The following PSMD14 variants were observed in gnomAD, a reference collection of about 807,000 sequenced individuals.
PSMD14 encodes proteasome 26S subunit, non-ATPase 14.
Under a neutral mutation model 41.2 loss-of-function variants are expected in PSMD14, and 7 were observed. The ratio of observed to expected loss-of-function variants is 0.17; its 90% CI spans 0.10 to 0.32. The LOEUF (loss-of-function observed/expected upper bound fraction) is 0.32. Among genes scored for constraint, PSMD14 ranks in the 10% least tolerant of loss-of-function variants. The pLI, the probability that PSMD14 is intolerant of heterozygous loss-of-function variation, is 1.00. For missense variants in PSMD14, 139 were observed against 375.6 expected (o/e 0.37, Z 5.21); for synonymous variants, 114 against 122.3 (o/e 0.93, Z 0.45).
intron 3 of PSMD14, among the ~76,000 whole-genome samples, chr2:161,361,832 C>T (rs67041117): frequency 0.3 from 45,749 of 151,980 alleles, 7,928 homozygotes; most frequent in Admixed American, 0.4. Flanking sequence ...AATTGTTACT[C>T]GTAAGCAGCA....
intron 7 of PSMD14, 82 bp from the exon 8 acceptor site, chr2:161,385,382 G>A (rs1317240516): frequency 1.1e-5 from 7 of 636,852 alleles, no homozygotes; most frequent in South Asian, 7.4e-5. Flanking sequence ...ACAGATGCAC[G>A]TCGATCATGC....
intron 3 of PSMD14, chr2:161,341,235 G>T (rs1406813427): frequency 2.0e-6 from 2 of 984,232 alleles, no homozygotes; most frequent in Non-Finnish European, 2.4e-6. Flanking sequence ...GCTCGCGGCC[G>T]CCCCACGCCG....
chr2:161,389,889 G>GTTGTGTTTTTTTT, intron 8 of PSMD14, among the ~76,000 whole-genome samples: 2 of 20,042 alleles, frequency 1.0e-4, no homozygotes, highest in Non-Finnish European at 2.0e-4. Flanking sequence ...CTTTTTTGTT[G>GTTGTGTTTTTTTT]TTTTTTTTTT....
At chr2:161,312,087 C>T (rs1689094406) in intron 1 of PSMD14, among the ~76,000 whole-genome samples, 1 of 151,102 alleles carries the variant, frequency 6.6e-6, no homozygotes, top group Non-Finnish European at 1.5e-5. Context: ...ATTAGAAATA[C>T]AGTAAGATAA....
chr2:161,358,530 A>C (rs1683238201), intron 3 of PSMD14, among the ~76,000 whole-genome samples: 1 of 152,162 alleles, frequency 6.6e-6, no homozygotes, highest in Non-Finnish European at 1.5e-5. Context: ...CCCAATCCTG[A>C]AACTTTGTGT....
At chr2:161,377,006 G>A (rs992712772) in intron 7 of PSMD14, among the ~76,000 whole-genome samples, 8 of 150,722 alleles carry the variant, frequency 5.3e-5, no homozygotes, top group Non-Finnish European at 1.0e-4. Flanking sequence ...TGACTGGAAC[G>A]TGTGATTGAC....
intron 3 of PSMD14, among the ~76,000 whole-genome samples, chr2:161,364,835 C>G (rs562521709): frequency 6.6e-6 from 1 of 152,046 alleles, no homozygotes; most frequent in Non-Finnish European, 1.5e-5. Flanking sequence ...TGGGTGCAGT[C>G]GCTCACGCCT....
chr2:161,310,148 C>T (rs1239151887), intron 1 of PSMD14, among the ~76,000 whole-genome samples: 1 of 151,814 alleles, frequency 6.6e-6, no homozygotes, highest in Non-Finnish European at 1.5e-5. Flanking sequence ...GAGACTTTGT[C>T]TCAAAAAAAA....
In PSMD14 at chr2:161,337,430, A is replaced by G. The variant is rs149625677; in HGVS notation, c.48+18557A>G. Among the ~76,000 whole-genome samples, 325 of 152,336 alleles carry G rather than the reference A, an allele frequency of 2.1e-3. 5 individuals carry two copies. Among genetic ancestry groups the G allele is most frequent in the African/African-American group, 7.4e-3 (306 of 41,584 alleles). On this transcript the variant is annotated intron_variant, in intron 3 of 11. Coordinates refer to ENST00000409682, the MANE Select transcript of PSMD14 (RefSeq NM_005805.6). ...ATCTCATTTAATCTTTACATTAACC[A>G]GTACCACGTGGTATGATTAGCACCA...
intron 9 of PSMD14, among the ~76,000 whole-genome samples, 194 bp from the exon 10 acceptor site, chr2:161,394,878 TGCAAAG>T (rs1683769888): frequency 6.6e-6 from 1 of 152,102 alleles, no homozygotes; most frequent in South Asian, 2.1e-4. Flanking sequence ...GGACAGCAAA[TGCAAAG>T]GCCTTGGTGT....
At chr2:161,326,280 C>G (rs1197671472) in intron 3 of PSMD14, among the ~76,000 whole-genome samples, 1 of 152,132 alleles carries the variant, frequency 6.6e-6, no homozygotes, top group East Asian at 1.9e-4. Flanking sequence ...ATCCGCCCAC[C>G]TCGGCCTCCG....
chr2:161,372,806 A>G (rs908570054), intron 7 of PSMD14, among the ~76,000 whole-genome samples: 1 of 151,946 alleles, frequency 6.6e-6, no homozygotes, highest in African/African-American at 2.4e-5. Flanking sequence ...ACTGTTTTAC[A>G]AATATAACAA....
chr2:161,351,912 G>C (rs7566586), intron 3 of PSMD14, among the ~76,000 whole-genome samples: 3,613 of 152,200 alleles, frequency 0.024, 151 homozygotes, highest in African/African-American at 0.081. Flanking sequence ...AAGTGCAGTC[G>C]TACTATGTGC....
intron 3 of PSMD14, among the ~76,000 whole-genome samples, chr2:161,322,339 G>A (rs1375462779): frequency 6.6e-6 from 1 of 152,118 alleles, no homozygotes; most frequent in Non-Finnish European, 1.5e-5. Flanking sequence ...TAACCCAGTA[G>A]TAGTAAAAAG....
intron 3 of PSMD14, among the ~76,000 whole-genome samples, chr2:161,342,351 A>C (rs1682977721): frequency 6.6e-6 from 1 of 152,032 alleles, no homozygotes; most frequent in South Asian, 2.1e-4. Flanking sequence ...TTTTATCAGA[A>C]GTGGATCTTG....
intron 2 of PSMD14, among the ~76,000 whole-genome samples, chr2:161,317,008 T>A (rs1175373144): frequency 6.6e-6 from 1 of 152,170 alleles, no homozygotes; most frequent in East Asian, 1.9e-4. Context: ...GTATACTGTA[T>A]GTTGTTTGTT....
chr2:161,383,500 TC>T (rs1683594931), intron 7 of PSMD14: 1 of 151,778 alleles, frequency 6.6e-6, no homozygotes, highest in African/African-American at 2.4e-5. Flanking sequence ...TATTTTCATT[TC>T]CTTTTTATGA....
chr2:161,347,452 T>A (rs1683061064), intron 3 of PSMD14, among the ~76,000 whole-genome samples: 1 of 152,198 alleles, frequency 6.6e-6, no homozygotes, highest in South Asian at 2.1e-4. Context: ...ATTTACTTTT[T>A]AATGGGAAAA....
At chr2:161,341,008 C>A (rs1682947492) in intron 3 of PSMD14, 1 of 1,611,046 alleles carries the variant, frequency 6.2e-7, no homozygotes. Flanking sequence ...ACCGCCTGCT[C>A]CTCCGCCTCC....
Sources: gnomAD v4.1 joint callset for allele counts (sites outside exome capture counted in the v4.1 genomes callset) on GRCh38, gnomAD v4.1.1 for gene constraint, MANE v1.5 for transcripts, NCBI Gene and HGNC (gene_info 2026-07-23, HGNC 2026-07-21) for gene names.